Variants in S100A13 observed in about 807,000 individuals in gnomAD.
S100A13 encodes S100 calcium binding protein A13.
In S100A13, 6 loss-of-function variants were observed where a neutral mutation model predicts 8.2. That is an observed-to-expected ratio of 0.73 (90% CI 0.40 to 1.44). S100A13 has a LOEUF of 1.44. Among genes scored for constraint, S100A13 ranks in the 40% most tolerant of loss-of-function variants. The probability of loss-of-function intolerance (pLI) is 0.02; values close to 1 mark genes in which losing one functional copy is unlikely to be tolerated. For missense variants in S100A13, 114 were observed against 113.6 expected (o/e 1.00, Z -0.02); for synonymous variants, 39 against 45.9 (o/e 0.85, Z 0.61).
chr1:153,624,701 G>A (rs1011984482), intron 2 of S100A13, among the ~76,000 whole-genome samples: 2 of 152,170 alleles, frequency 1.3e-5, no homozygotes, highest in Admixed American at 6.5e-5. Flanking sequence ...CACTTTGGAA[G>A]GCCAATGCAG....
chr1:153,630,582 G>A (rs1171172101), upstream of S100A13: 1 of 1,614,150 alleles, frequency 6.2e-7, no homozygotes, highest in Non-Finnish European at 8.5e-7. Context: ...CGCCCACTCG[G>A]GCAAAGAGGG....
chr1:153,625,770 C>T (rs1399991418), intron 2 of S100A13, among the ~76,000 whole-genome samples: 1 of 152,234 alleles, frequency 6.6e-6, no homozygotes, highest in Non-Finnish European at 1.5e-5. Context: ...AACCCAACAG[C>T]ATCTTCTGAC....
intron 2 of S100A13, among the ~76,000 whole-genome samples, chr1:153,625,739 A>C (rs1305041944): frequency 3.3e-5 from 5 of 152,236 alleles, no homozygotes; most frequent in African/African-American, 1.2e-4. Context: ...TTAGACCAGA[A>C]AGGCACAGAG....
chr1:153,631,616 T>C, upstream of S100A13: 2 of 1,613,758 alleles, frequency 1.2e-6, no homozygotes, highest in Non-Finnish European at 1.7e-6. Flanking sequence ...CTTTGCCTCC[T>C]GCTCCTCAAC....
At chr1:153,628,326 C>A, upstream of S100A13, 1 of 1,523,142 alleles carries the variant, frequency 6.6e-7, no homozygotes, top group Non-Finnish European at 8.8e-7. Flanking sequence ...CCTCTGTCTG[C>A]TCCTGGCCCC....
chr1:153,630,627 G>C (rs144796295), upstream of S100A13: 1 of 1,614,122 alleles, frequency 6.2e-7, no homozygotes, highest in East Asian at 2.2e-5. Context: ...GGAGCTGAAA[G>C]AGCTGCTGCA....
intron 2 of S100A13, among the ~76,000 whole-genome samples, chr1:153,620,326 T>C (rs1667156074): frequency 6.6e-6 from 1 of 151,590 alleles, no homozygotes. Flanking sequence ...CTCGGTGTGA[T>C]AGTGCACACC....
chr1:153,628,518 G>A, upstream of S100A13: 1 of 1,550,438 alleles, frequency 6.4e-7, no homozygotes, highest in Non-Finnish European at 8.7e-7. Flanking sequence ...GCCCCACTGG[G>A]CTAGTCCCTG....
chr1:153,626,567 CA>C (rs1226602067), intron 1 of S100A13, 34 bp from the exon 2 acceptor site: 60 of 1,300,662 alleles, frequency 4.6e-5, no homozygotes, highest in Non-Finnish European at 6.4e-5. Flanking sequence ...GAGGGAGAGT[CA>C]GGGAGCCCCA....
chr1:153,619,768 G>A (rs1363489206), intron 2 of S100A13, among the ~76,000 whole-genome samples: 1 of 152,198 alleles, frequency 6.6e-6, no homozygotes, highest in African/African-American at 2.4e-5. Context: ...AGGGTGTGAG[G>A]CTCAAGGTTT....
upstream of S100A13, chr1:153,630,594 G>A: frequency 1.2e-6 from 2 of 1,614,258 alleles, no homozygotes; most frequent in Non-Finnish European, 1.7e-6. Context: ...CAAAGAGGGG[G>A]ACAAGTACAA....
chr1:153,620,157 G>A (rs1667142939), intron 2 of S100A13, among the ~76,000 whole-genome samples: 2 of 151,948 alleles, frequency 1.3e-5, no homozygotes, highest in African/African-American at 4.8e-5. Flanking sequence ...TATGGTGGTG[G>A]GAGCCTGTAA....
At chr1:153,632,507 G>A (rs189811542), upstream of S100A13, among the ~76,000 whole-genome samples, 1,367 of 152,012 alleles carry the variant, frequency 9.0e-3, 25 homozygotes, top group African/African-American at 0.029. Flanking sequence ...TCCTGACCTC[G>A]TGATCCCCCC....
At chr1:153,632,466 T>A (rs891701090), upstream of S100A13, among the ~76,000 whole-genome samples, 2 of 151,780 alleles carry the variant, frequency 1.3e-5, no homozygotes, top group African/African-American at 2.4e-5. Flanking sequence ...ACAGACGGGG[T>A]TTCACCATGT....
upstream of S100A13, chr1:153,631,345 C>T (rs181883502): frequency 5.1e-4 from 514 of 1,017,602 alleles, 2 homozygotes; most frequent in Non-Finnish European, 6.4e-4. Context: ...ATTTAACCAC[C>T]GATTACCAAT....
upstream of S100A13, chr1:153,630,749 C>G: frequency 6.6e-7 from 1 of 1,519,132 alleles, no homozygotes; most frequent in Non-Finnish European, 9.0e-7. Context: ...CCCACCCCAC[C>G]TCCAGCTCAG....
At chr1:153,621,116 T>G (rs756754668) in intron 2 of S100A13, among the ~76,000 whole-genome samples, 6 of 151,730 alleles carry the variant, frequency 4.0e-5, no homozygotes, top group Non-Finnish European at 8.8e-5. Context: ...TGATTTTCCC[T>G]AAAATATATC....
chr1:153,633,961 T>C (rs563114565), upstream of S100A13: 39 of 152,416 alleles, frequency 2.6e-4, no homozygotes, highest in African/African-American at 8.9e-4. Flanking sequence ...CTCTGACCTC[T>C]GCGCAGGCGT....
At chr1:153,631,533 GCAA>G, upstream of S100A13, 1 of 1,613,816 alleles carries the variant, frequency 6.2e-7, no homozygotes. Context: ...TATGCTGTAG[GCAA>G]CAGAAGCCCT....
Sources: allele counts gnomAD v4.1 joint callset (sites outside exome capture counted in the v4.1 genomes callset), GRCh38; gene constraint gnomAD v4.1.1; transcripts MANE v1.5; gene names NCBI Gene and HGNC (gene_info 2026-07-23, HGNC 2026-07-21).